The following PRR14 variants were observed in gnomAD, a reference collection of about 807,000 sequenced individuals.
PRR14 encodes proline-rich protein 14.
PRR14 carries 33 observed loss-of-function variants against 57.2 expected under a neutral mutation model. The ratio of observed to expected loss-of-function variants is 0.58; its 90% CI spans 0.44 to 0.77. PRR14 has a LOEUF of 0.77. PRR14 is among the 30% of genes least tolerant of loss of function. The probability of loss-of-function intolerance (pLI) is 0.00; values close to 1 mark genes in which losing one functional copy is unlikely to be tolerated. For missense variants in PRR14, 716 were observed against 788.1 expected (o/e 0.91, Z 1.10); for synonymous variants, 303 against 314.7 (o/e 0.96, Z 0.39).
Position 30,654,712 on chromosome 16 carries a change from C to T in PRR14, c.742C>T (p.Pro248Ser), listed in dbSNP as rs568329424. ...CCGCCTCAGTCCCTGGGGCTTGGCC[C>T]CGCTCTTCCGTTCCGTCCGCTCCAA... ...RPRLSPWGLA[P>S]LFRSVRSKLE... The change falls in exon 8 of 12, where the codon CCG (proline) becomes TCG (serine). Residue 248 changes from proline (P) to serine (S), a missense_variant. Pro to Ser is a moderately conservative substitution (Grantham distance 74, BLOSUM62 -1). Transcript: ENST00000300835. 6.2e-6 allele frequency: 10 copies of T among 1,613,858 alleles called. No individual in the cohort carries two copies. In the Admixed American group the frequency reaches 1.3e-4, roughly 22 times the overall value.
At chr16:30,652,322 A>C (rs1206687590) in intron 3 of PRR14, 4 of 565,242 alleles carry the variant, frequency 7.1e-6, no homozygotes, top group Non-Finnish European at 1.3e-5. Flanking sequence ...CTGCCTCCCA[A>C]AGTATTGGGA....
chr16:30,653,282 T>G (rs538466124), intron 5 of PRR14, 83 bp from the exon 6 acceptor site: 1 of 1,494,760 alleles, frequency 6.7e-7, no homozygotes, highest in East Asian at 2.3e-5. Flanking sequence ...CCCAAGCAGC[T>G]ATCCGGGAAC....
intron 7 of PRR14, 48 bp from the exon 8 acceptor site, chr16:30,654,581 G>A (rs749317955): frequency 2.8e-6 from 4 of 1,434,846 alleles, no homozygotes; most frequent in Non-Finnish European, 3.8e-6. Flanking sequence ...GAGGGGCTGA[G>A]ACACTGCAGC....
In PRR14 at chr16:30,652,905, C is replaced by T. The variant is rs372997553; in HGVS notation, c.315-9C>T. ...CTGAGCCATTTTAATCTTCCTGTTCCCTCGCTAGGCCTCCCGACCCTCTGT... is the reference window on the plus strand; with the variant it reads ...CTGAGCCATTTTAATCTTCCTGTTCTCTCGCTAGGCCTCCCGACCCTCTGT... On this transcript the variant is annotated splice_polypyrimidine_tract_variant and intron_variant, in intron 4 of 11. Coordinates refer to ENST00000300835, the MANE Select transcript of PRR14 (RefSeq NM_024031.5). The T allele has an allele frequency of 6.2e-7, 1 of 1,613,876 alleles. No homozygotes were observed. The highest frequency in any genetic ancestry group is 8.5e-7 in the Non-Finnish European group (1 of 1,179,868).
Position 30,651,364 on chromosome 16 carries a change from C to T in PRR14, c.-50-232C>T. ...GCTCGGGCCGCGGGAGAACTGGGGC[C>T]GCTGCATTCTGGGTTCTGGCGGCAG... On this transcript the variant is annotated intron_variant, in intron 1 of 11. Coordinates refer to ENST00000300835, the MANE Select transcript of PRR14 (RefSeq NM_024031.5). The surrounding 1 kb of genome is among the most constrained non-coding windows in gnomAD (Gnocchi z 5.0). 2.2e-6 allele frequency: 1 copy of T among 458,812 alleles called. No individual in the cohort carries two copies. The highest frequency in any genetic ancestry group is 3.2e-5 in the South Asian group (1 of 31,674). The allele number at this position is 458,812 out of a possible 1,614,324, so 28.4% of individuals were successfully genotyped here.
At chr16:30,654,176 C>A in intron 6 of PRR14, 54 bp from the exon 7 acceptor site, 2 of 1,265,118 alleles carry the variant, frequency 1.6e-6, no homozygotes, top group Non-Finnish European at 2.3e-6. Context: ...GAGTTGCTGG[C>A]TCAGGTGGGA....
At position 30,655,649 on chromosome 16, in the gene PRR14, C is replaced by T; in HGVS notation, c.1406+56C>T. The T allele has an allele frequency of 1.3e-6, 2 of 1,501,086 alleles. No homozygotes were observed. Among genetic ancestry groups the T allele is most frequent in the Non-Finnish European group, 1.9e-6 (2 of 1,079,390 alleles). 93.0% of individuals were successfully genotyped at this position (1,501,086 alleles called of 1,614,324 possible). On this transcript the variant is annotated intron_variant, in intron 10 of 11. Transcript: ENST00000300835. The surrounding 1 kb of genome is among the most constrained non-coding windows in gnomAD (Gnocchi z 4.6). The stretch of plus-strand genomic sequence containing the variant: ...TGGCCAAACAGATGCAGGCTTATGT[C>T]CCCTGAAGTATAGCTTTGTCTCCCC...
At position 30,651,583 on chromosome 16, in the gene PRR14, C is replaced by T. The variant is rs1333055578; in HGVS notation, c.-50-13C>T. 4 of 1,256,170 alleles carry T rather than the reference C, an allele frequency of 3.2e-6. No individual in the cohort carries two copies. The highest frequency in any genetic ancestry group is 5.6e-4 in the Middle Eastern group (2 of 3,544). 77.8% of individuals were successfully genotyped at this position (1,256,170 alleles called of 1,614,324 possible). A position where few individuals can be genotyped will look rare whatever the true frequency, so the allele number is the denominator to read the frequency against. On this transcript the variant is annotated splice_polypyrimidine_tract_variant and intron_variant, in intron 1 of 11. Coordinates refer to ENST00000300835, the MANE Select transcript of PRR14 (RefSeq NM_024031.5). This position sits in a 1 kb window ranked among gnomAD's most constrained non-coding sequence, Gnocchi z 5.0. The stretch of plus-strand genomic sequence containing the variant: ...CCCTCACCCCCCGCTCCCCCGCTCC[C>T]CCCTTACCCCAGGCCGCAGCCTGGG...
chr16:30,652,662 A>G (rs1362480372), intron 3 of PRR14, 59 bp from the exon 4 acceptor site: 1 of 1,609,208 alleles, frequency 6.2e-7, no homozygotes, highest in Non-Finnish European at 8.5e-7. Flanking sequence ...GCACAGGGAA[A>G]CCTTGTCCCG....
At chr16:30,652,206 A>C in intron 3 of PRR14, 1 of 651,446 alleles carries the variant, frequency 1.5e-6, no homozygotes, top group East Asian at 2.8e-5. Context: ...TAACTCTGAG[A>C]AACTCTTCTG....
rs762021595 is a variant in PRR14 at position 30,654,293 on chromosome 16, C to A, written c.612C>A (p.Phe204Leu). The change falls in exon 7 of 12, where the codon TTC (phenylalanine) becomes TTA (leucine). Residue 204 changes from phenylalanine to leucine, a missense_variant. By Grantham distance (22) the Phe-to-Leu change is conservative (BLOSUM62 0). Coordinates refer to ENST00000300835, the MANE Select transcript of PRR14 (RefSeq NM_024031.5). Reference sequence around the variant, plus strand: ...CACCTGGGGACCTAGAACCCCCATTCCAGCCATCTGCTCTGCCTGCAGACC... The same window carrying A: ...CACCTGGGGACCTAGAACCCCCATTACAGCCATCTGCTCTGCCTGCAGACC... ...TPPPGDLEPPFQPSALPADPL... is the reference protein window; with the variant it reads ...TPPPGDLEPPLQPSALPADPL... 18 of 1,614,110 alleles carry A rather than the reference C, an allele frequency of 1.1e-5. No homozygotes were observed. The highest frequency in any genetic ancestry group is 1.5e-5 in the Non-Finnish European group (18 of 1,179,976).
chr16:30,652,909 G>C lies in PRR14; in HGVS notation c.315-5G>C, dbSNP rs376200727. On this transcript the variant is annotated splice_region_variant and splice_polypyrimidine_tract_variant and intron_variant, in intron 4 of 11. Transcript: ENST00000300835. ...GCCATTTTAATCTTCCTGTTCCCTCGCTAGGCCTCCCGACCCTCTGTGTTT... is the reference window on the plus strand; with the variant it reads ...GCCATTTTAATCTTCCTGTTCCCTCCCTAGGCCTCCCGACCCTCTGTGTTT... 2.5e-6 allele frequency: 4 copies of C among 1,613,806 alleles called. No homozygotes were observed. In the African/African-American group the frequency reaches 5.3e-5, roughly 22 times the overall value.
chr16:30,653,001 C>G lies in PRR14; in HGVS notation c.402C>G (p.Thr134=). 1 of 1,614,178 alleles carries G rather than the reference C, an allele frequency of 6.2e-7. No individual in the cohort carries two copies. The highest frequency in any genetic ancestry group is 8.5e-7 in the Non-Finnish European group (1 of 1,180,028). The change falls in exon 5 of 12, where the codon ACC becomes ACG. Residue 134 remains threonine, a synonymous_variant. Transcript: ENST00000300835. ...SSTLRRRSRT[T]PGPEEGPSQK... ...CCCTGAGGCGGCGATCAAGGACAAC[C>G]CCTGGCCCAGAGGAGGGCCCTTCAC...
rs1467931579 is a variant in PRR14 at position 30,651,362 on chromosome 16, G to A, written c.-50-234G>A. ...AGGCTCGGGCCGCGGGAGAACTGGG[G>A]CCGCTGCATTCTGGGTTCTGGCGGC... is the stretch of plus-strand genomic sequence containing the variant. On this transcript the variant is annotated intron_variant, in intron 1 of 11. Transcript: ENST00000300835. This position sits in a 1 kb window ranked among gnomAD's most constrained non-coding sequence, Gnocchi z 5.0. 2.2e-6 allele frequency: 1 copy of A among 461,996 alleles called. No individual in the cohort carries two copies. The highest frequency in any genetic ancestry group is 3.9e-6 in the Non-Finnish European group (1 of 256,050). 28.6% of individuals were successfully genotyped at this position (461,996 alleles called of 1,614,324 possible).
Position 30,651,720 on chromosome 16 carries a change from C to A in PRR14, c.23+52C>A. On this transcript the variant is annotated intron_variant, in intron 2 of 11. Coordinates refer to ENST00000300835, the MANE Select transcript of PRR14 (RefSeq NM_024031.5). The surrounding 1 kb of genome is among the most constrained non-coding windows in gnomAD (Gnocchi z 5.0). ...TGTCTTGACCCCGGGAGATGGGGAT[C>A]CTGGCGACCGTGCCGGGAAACTACA... The A allele has an allele frequency of 6.2e-7, 1 of 1,612,252 alleles. No individual in the cohort carries two copies. Among genetic ancestry groups the A allele is most frequent in the Non-Finnish European group, 8.5e-7 (1 of 1,179,680 alleles).
chr16:30,654,723 T>C lies in PRR14; in HGVS notation c.753T>C (p.Arg251=), dbSNP rs1228277715. The change falls in exon 8 of 12, where the codon CGT becomes CGC. Residue 251 remains arginine (R), a synonymous_variant. Transcript: ENST00000300835. ...LSPWGLAPLF[R]SVRSKLESFA... ...CCTGGGGCTTGGCCCCGCTCTTCCGTTCCGTCCGCTCCAAGCTGGAGAGCT... is the reference window on the plus strand; with the variant it reads ...CCTGGGGCTTGGCCCCGCTCTTCCGCTCCGTCCGCTCCAAGCTGGAGAGCT... The C allele has an allele frequency of 6.2e-7, 1 of 1,613,830 alleles. No homozygotes were observed. The highest frequency in any genetic ancestry group is 1.1e-5 in the South Asian group (1 of 91,080).
chr16:30,653,999 C>T, intron 6 of PRR14: 2 of 505,118 alleles, frequency 4.0e-6, no homozygotes, highest in Non-Finnish European at 3.5e-6. Flanking sequence ...TGTGGTGGTC[C>T]ATGCATGTAG....
Position 30,651,567 on chromosome 16 carries a change from C to A in PRR14, c.-50-29C>A. On this transcript the variant is annotated intron_variant, in intron 1 of 11. Transcript: ENST00000300835. The surrounding 1 kb of genome is among the most constrained non-coding windows in gnomAD (Gnocchi z 5.0). ...CCAGGGAAGGGGCCGGCCCTCACCC[C>A]CCGCTCCCCCGCTCCCCCCTTACCC... is the stretch of plus-strand genomic sequence containing the variant. 1.1e-6 allele frequency: 1 copy of A among 875,728 alleles called. No homozygotes were observed. The highest frequency in any genetic ancestry group is 1.7e-6 in the Non-Finnish European group (1 of 595,072). The allele number at this position is 875,728 out of a possible 1,614,324, so 54.2% of individuals were successfully genotyped here. A position where few individuals can be genotyped will look rare whatever the true frequency, so the allele number is the denominator to read the frequency against.
rs1324193490 is a variant in PRR14, at chr16:30,655,173, G to C, written c.1203G>C (p.Ser401=). 6.2e-7 allele frequency: 1 copy of C among 1,600,636 alleles called. No individual in the cohort carries two copies. The highest frequency in any genetic ancestry group is 8.5e-7 in the Non-Finnish European group (1 of 1,172,920). ...GASPSLTTSC[S]STASTSFSEP... ...CCCCTTCTCTCACCACATCTTGCTC[G>C]TCCACGGCATCCACTTCCTTCTCCG... Residue 401 remains serine (S), a synonymous_variant, in exon 8 of 12, where the codon TCG becomes TCC. Transcript: ENST00000300835. The surrounding 1 kb of genome is among the most constrained non-coding windows in gnomAD (Gnocchi z 4.6).
Sources: allele counts gnomAD v4.1 joint callset, GRCh38; gene constraint gnomAD v4.1.1; non-coding constraint Gnocchi (gnomAD v3.1); transcripts MANE v1.5; gene names NCBI Gene and HGNC (gene_info 2026-07-23, HGNC 2026-07-21).